The following TRERF1 variants were observed in gnomAD, a reference collection of about 807,000 sequenced individuals.
The protein encoded by TRERF1 is transcriptional-regulating factor 1.
A neutral mutation model predicts 122.9 loss-of-function variants in TRERF1; 27 were observed. That is an observed-to-expected ratio of 0.22 (90% confidence interval 0.16 to 0.30). The LOEUF (loss-of-function observed/expected upper bound fraction) is 0.30, where lower values mean the gene tolerates loss of function less well. TRERF1 is among the 10% of genes least tolerant of loss of function. The probability of loss-of-function intolerance (pLI) is 1.00; values close to 1 mark genes in which losing one functional copy is unlikely to be tolerated. For synonymous variants in TRERF1, 636 were observed against 641.7 expected (o/e 0.99, Z 0.13); for missense variants, 1,248 against 1,560.3 (o/e 0.80, Z 3.37).
chr6:42,382,919 T>C (rs1776190727), intron 2 of TRERF1, among the ~76,000 whole-genome samples: 1 of 151,974 alleles, frequency 6.6e-6, no homozygotes, highest in Non-Finnish European at 1.5e-5. Flanking sequence ...CAAGTGCCTC[T>C]TGGGGCTTGG....
intron 2 of TRERF1, among the ~76,000 whole-genome samples, chr6:42,445,353 GACACACACACAC>G (rs57862861): frequency 1.3e-4 from 11 of 86,720 alleles, no homozygotes; most frequent in African/African-American, 2.6e-4. Flanking sequence ...TACACACACA[GACACACACACAC>G]ACACACACAC....
chr6:42,294,373 G>C (rs1784763874), intron 4 of TRERF1, among the ~76,000 whole-genome samples: 1 of 151,380 alleles, frequency 6.6e-6, no homozygotes, highest in Non-Finnish European at 1.5e-5. Flanking sequence ...GTAGAGACAG[G>C]GTTTCACCAT....
At chr6:42,442,664 T>A (rs971487384) in intron 2 of TRERF1, among the ~76,000 whole-genome samples, 53 of 152,252 alleles carry the variant, frequency 3.5e-4, no homozygotes, top group African/African-American at 1.2e-3. Flanking sequence ...TTCAAAAATG[T>A]CATGCCAAAA....
intron 2 of TRERF1, among the ~76,000 whole-genome samples, chr6:42,449,509 A>G (rs1448499913): frequency 6.6e-6 from 1 of 152,118 alleles, no homozygotes; most frequent in Non-Finnish European, 1.5e-5. Context: ...TGGCCAAAGC[A>G]AGACAATAAA....
chr6:42,311,034 A>G (rs1299588794), intron 3 of TRERF1, among the ~76,000 whole-genome samples: 3 of 152,248 alleles, frequency 2.0e-5, no homozygotes, highest in Admixed American at 6.5e-5. Context: ...TTGTGCATTC[A>G]TCTATTTATT....
chr6:42,232,897 G>A lies in TRERF1; in HGVS notation c.3067-5C>T, dbSNP rs1770893842. 6.3e-7 allele frequency: 1 copy of A among 1,588,946 alleles called. No homozygotes were observed. Among genetic ancestry groups the A allele is most frequent in the Non-Finnish European group, 8.6e-7 (1 of 1,165,922 alleles). On this transcript the variant is annotated splice_region_variant and splice_polypyrimidine_tract_variant and intron_variant, in intron 16 of 17. Coordinates refer to ENST00000372922, the Ensembl canonical transcript of TRERF1. This position sits in a 1 kb window ranked among gnomAD's most constrained non-coding sequence, Gnocchi z 4.5. ...TGCCTGTCGGGAGCTGAACACCTGG[G>A]GAAGAAAGGGAGTGACATGACATCT...
intron 14 of TRERF1, among the ~76,000 whole-genome samples, chr6:42,244,105 T>C (rs1192626275): frequency 6.6e-6 from 1 of 152,192 alleles, no homozygotes; most frequent in Non-Finnish European, 1.5e-5. Context: ...AGTCTCGAAC[T>C]CCTGACCTCA....
chr6:42,350,612 A>ACTCACTC (rs1769238210), intron 3 of TRERF1, among the ~76,000 whole-genome samples: 5 of 152,180 alleles, frequency 3.3e-5, no homozygotes, highest in Admixed American at 1.3e-4. Context: ...CTTCTTGATG[A>ACTCACTC]CGAGTTTAAA....
rs986686264 is a variant in TRERF1, at chr6:42,259,839, C to T, written c.1885-116G>A. On this transcript the variant is annotated intron_variant, in intron 8 of 17. Coordinates refer to ENST00000372922, the Ensembl canonical transcript of TRERF1. The surrounding 1 kb of genome is among the most constrained non-coding windows in gnomAD (Gnocchi z 4.9). Reference sequence around the variant, plus strand: ...AAGCAGAGAGCCCTTCTGCTTGACCCCCCCACCCCCAACGCCCCCACATTC... The same window carrying T: ...AAGCAGAGAGCCCTTCTGCTTGACCTCCCCACCCCCAACGCCCCCACATTC... The T allele has an allele frequency of 9.9e-6, 14 of 1,419,746 alleles. No homozygotes were observed. Among genetic ancestry groups the T allele is most frequent in the Non-Finnish European group, 2.8e-6 (3 of 1,058,366 alleles). 87.9% of individuals were successfully genotyped at this position (1,419,746 alleles called of 1,614,324 possible).
chr6:42,256,942 G>C lies in TRERF1; in HGVS notation c.2476+21C>G. 12 of 1,614,000 alleles carry C rather than the reference G, an allele frequency of 7.4e-6. No homozygotes were observed. In the South Asian group the frequency reaches 1.2e-4, roughly 16 times the overall value. On this transcript the variant is annotated intron_variant, in intron 11 of 17. Coordinates refer to ENST00000372922, the Ensembl canonical transcript of TRERF1. ...GAGAGAATCAAACCTCTCCCACCCA[G>C]CTCTTCCCATATGCCAATACCTCTT...
chr6:42,238,634 G>A (rs1319907707), intron 15 of TRERF1, among the ~76,000 whole-genome samples: 3 of 152,058 alleles, frequency 2.0e-5, no homozygotes, highest in Non-Finnish European at 4.4e-5. Flanking sequence ...TCAGACCCTC[G>A]AGTGTCCACA....
chr6:42,242,527 G>A (rs1302431216), intron 15 of TRERF1, among the ~76,000 whole-genome samples: 1 of 152,178 alleles, frequency 6.6e-6, no homozygotes, highest in Non-Finnish European at 1.5e-5. Context: ...AGTGTGAAAA[G>A]GAGATTTCCC....
chr6:42,338,581 G>C (rs565938648), intron 3 of TRERF1, among the ~76,000 whole-genome samples: 3 of 152,288 alleles, frequency 2.0e-5, no homozygotes, highest in South Asian at 4.2e-4. Context: ...TTACTTCTGA[G>C]AATTATGAGC....
chr6:42,271,559 C>T (rs1185780997), intron 4 of TRERF1, among the ~76,000 whole-genome samples: 8 of 151,900 alleles, frequency 5.3e-5, no homozygotes, highest in East Asian at 3.9e-4. Flanking sequence ...GTGTATATGT[C>T]GTATGTCAAT....
chr6:42,307,561 G>A (rs962120634), intron 3 of TRERF1, among the ~76,000 whole-genome samples: 4 of 152,110 alleles, frequency 2.6e-5, no homozygotes, highest in African/African-American at 9.7e-5. Context: ...GAGGAGCTTT[G>A]CAGAAACTCA....
intron 2 of TRERF1, among the ~76,000 whole-genome samples, chr6:42,413,021 T>TAG (rs1781334583): frequency 6.6e-6 from 1 of 152,118 alleles, no homozygotes; most frequent in Non-Finnish European, 1.5e-5. Context: ...CAGCAATGCT[T>TAG]AGCCAAAGCA....
chr6:42,314,278 C>A (rs1228177020), intron 3 of TRERF1, among the ~76,000 whole-genome samples: 1 of 152,222 alleles, frequency 6.6e-6, no homozygotes, highest in East Asian at 1.9e-4. Flanking sequence ...CTGCTTTGTG[C>A]TTTGTAAACA....
chr6:42,321,276 TAGTAA>T (rs1346773474), intron 3 of TRERF1, among the ~76,000 whole-genome samples: 3 of 150,644 alleles, frequency 2.0e-5, no homozygotes, highest in Non-Finnish European at 4.4e-5. Flanking sequence ...AGAACCAATC[TAGTAA>T]AGTAGTAGAG....
At chr6:42,289,853 G>T (rs1334803210) in intron 4 of TRERF1, among the ~76,000 whole-genome samples, 2 of 152,218 alleles carry the variant, frequency 1.3e-5, no homozygotes, top group African/African-American at 4.8e-5. Context: ...AGATAGCTTG[G>T]ATGAGGGTGA....
Sources: gnomAD v4.1 joint callset for allele counts (sites outside exome capture counted in the v4.1 genomes callset) on GRCh38, gnomAD v4.1.1 for gene constraint, Gnocchi (gnomAD v3.1) non-coding constraint, MANE v1.5 for transcripts, NCBI Gene and HGNC (gene_info 2026-07-23, HGNC 2026-07-21) for gene names.